Variants in TRPC4 observed in about 807,000 individuals in gnomAD.
TRPC4 encodes transient receptor potential cation channel subfamily C member 4.
In TRPC4, 49 loss-of-function variants were observed where a neutral mutation model predicts 99.4. The ratio of observed to expected loss-of-function variants is 0.49; its 90% confidence interval spans 0.39 to 0.63. TRPC4 has a LOEUF of 0.63. TRPC4 is among the 20% of genes least tolerant of loss of function. The pLI is 0.00. For missense variants in TRPC4, 898 were observed against 1,152.9 expected (o/e 0.78, Z 3.20); for synonymous variants, 454 against 425.9 (o/e 1.07, Z -0.81).
intron 6 of TRPC4, among the ~76,000 whole-genome samples, chr13:37,659,222 C>T (rs570431029): frequency 1.3e-5 from 2 of 152,032 alleles, no homozygotes; most frequent in South Asian, 4.2e-4. Context: ...GGCTTAGTGT[C>T]ATCCTAGGAG....
At chr13:37,868,778 G>GGGATACACCATAGT in intron 1 of TRPC4, among the ~76,000 whole-genome samples, 2 of 152,134 alleles carry the variant, frequency 1.3e-5, no homozygotes, top group South Asian at 4.1e-4. Context: ...CATGTGAACA[G>GGGATACACCATAGT]GGATACACCA....
rs139240703 is a variant in TRPC4 at position 37,705,162 on chromosome 13, C to T, written c.898-12827G>A. Among the ~76,000 whole-genome samples, 19 of 152,130 alleles carry T rather than the reference C, an allele frequency of 1.2e-4. No homozygotes were observed. In the East Asian group the frequency reaches 2.5e-3, roughly 20 times the overall value. On this transcript the variant is annotated intron_variant, in intron 3 of 10. Transcript: ENST00000379705. Reference sequence around the variant, plus strand: ...GTCATTGGAGACAACATGGATGAAACGGAAGGGCATTATGTTAAGTGAAAT... The same window carrying T: ...GTCATTGGAGACAACATGGATGAAATGGAAGGGCATTATGTTAAGTGAAAT...
rs549709191 is a variant in TRPC4 at position 37,693,954 on chromosome 13, A to G, written c.898-1619T>C. ...CTTAAGGAAATTTCAAGCTCCATGAACAGTCAAGCTAAATTTTATTCTAGA... is the reference window on the plus strand; with the variant it reads ...CTTAAGGAAATTTCAAGCTCCATGAGCAGTCAAGCTAAATTTTATTCTAGA... On this transcript the variant is annotated intron_variant, in intron 3 of 10. Coordinates refer to ENST00000379705, the MANE Select transcript of TRPC4 (RefSeq NM_016179.4). Among the ~76,000 whole-genome samples, 4 of 152,286 alleles carry G rather than the reference A, an allele frequency of 2.6e-5. No homozygotes were observed. The South Asian group carries it at 8.3e-4, about 32-fold the overall frequency.
chr13:37,700,797 G>A (rs1954079826), intron 3 of TRPC4, among the ~76,000 whole-genome samples: 1 of 152,016 alleles, frequency 6.6e-6, no homozygotes, highest in Non-Finnish European at 1.5e-5. Context: ...AAATGTGTTA[G>A]GTCCTATAAG....
intron 3 of TRPC4, among the ~76,000 whole-genome samples, chr13:37,745,504 A>G (rs1305833986): frequency 2.3e-5 from 3 of 132,304 alleles, no homozygotes; most frequent in African/African-American, 9.0e-5. Context: ...ATATACGTAT[A>G]TATGTATATA....
intron 2 of TRPC4, among the ~76,000 whole-genome samples, chr13:37,767,169 C>G (rs980827451): frequency 6.6e-6 from 1 of 150,982 alleles, no homozygotes; most frequent in African/African-American, 2.4e-5. Flanking sequence ...CATTCATTGC[C>G]TTTTGTTTTT....
chr13:37,681,862 C>A (rs1470065615), intron 4 of TRPC4, among the ~76,000 whole-genome samples: 3 of 152,124 alleles, frequency 2.0e-5, no homozygotes, highest in South Asian at 4.1e-4. Context: ...ACTGTGGGGA[C>A]CAACAAAGGA....
At chr13:37,758,046 T>G (rs909431111) in intron 2 of TRPC4, among the ~76,000 whole-genome samples, 1 of 151,938 alleles carries the variant, frequency 6.6e-6, no homozygotes, top group Non-Finnish European at 1.5e-5. Flanking sequence ...AATTGGCGTA[T>G]TCACGTAAGT....
At chr13:37,753,771 A>G (rs924107316) in intron 2 of TRPC4, among the ~76,000 whole-genome samples, 2 of 152,158 alleles carry the variant, frequency 1.3e-5, no homozygotes, top group African/African-American at 4.8e-5. Context: ...ACACAAGTGC[A>G]TTGCAGAAGC....
In TRPC4 at chr13:37,785,827, C is replaced by A. The variant is rs149567573; in HGVS notation, c.-27-2467G>T. 6.4e-3 allele frequency among the ~76,000 whole-genome samples: 969 copies of A among 152,108 alleles called. 2 individuals carry two copies. Among genetic ancestry groups the A allele is most frequent in the Non-Finnish European group, 0.012 (812 of 67,988 alleles). On this transcript the variant is annotated intron_variant, in intron 1 of 10. Coordinates refer to ENST00000379705, the MANE Select transcript of TRPC4 (RefSeq NM_016179.4). The stretch of plus-strand genomic sequence containing the variant: ...TAGGGATTAGTGGACAAAACAGAAG[C>A]TACTGGAGAACTTTGAGGAAGAGGG...
At position 37,676,217 on chromosome 13, in the gene TRPC4, T is replaced by C. The variant is rs150125204; in HGVS notation, c.1235-1850A>G. The stretch of plus-strand genomic sequence containing the variant: ...ACACACCAAACCGTGATGCATCATA[T>C]TCAAACCGTCAAAAACAAAAGATAA... On this transcript the variant is annotated intron_variant, in intron 4 of 10. Transcript: ENST00000379705. 5.2e-3 allele frequency among the ~76,000 whole-genome samples: 778 copies of C among 150,080 alleles called. 11 individuals carry two copies. The highest frequency in any genetic ancestry group is 0.018 in the African/African-American group (724 of 40,704).
intron 1 of TRPC4, among the ~76,000 whole-genome samples, chr13:37,834,891 T>C (rs932678484): frequency 1.3e-5 from 2 of 152,084 alleles, no homozygotes; most frequent in African/African-American, 4.8e-5. Flanking sequence ...TGTGCCACCA[T>C]GCCTGGCTAA....
rs575106895 is a variant in TRPC4, at chr13:37,751,322, G to T, written c.379-4867C>A. ...TCCTGCTTCTTTTGCTTTTACTTTC[G>T]AAGATGCTATTCAAAATATACACAA... On this transcript the variant is annotated intron_variant, in intron 2 of 10. Transcript: ENST00000379705. Among the ~76,000 whole-genome samples the T allele has an allele frequency of 3.0e-3, 451 of 151,964 alleles. 1 individual carries two copies. The highest frequency in any genetic ancestry group is 0.01 in the African/African-American group (427 of 41,450).
At chr13:37,710,503 T>G (rs927886163) in intron 3 of TRPC4, among the ~76,000 whole-genome samples, 1 of 151,954 alleles carries the variant, frequency 6.6e-6, no homozygotes, top group Non-Finnish European at 1.5e-5. Flanking sequence ...TGAGATTATC[T>G]CATTCCTATT....
intron 1 of TRPC4, among the ~76,000 whole-genome samples, chr13:37,785,012 C>T (rs779674414): frequency 6.6e-6 from 1 of 152,038 alleles, no homozygotes; most frequent in African/African-American, 2.4e-5. Flanking sequence ...TAATTTTAGA[C>T]GTGCAAATTA....
intron 2 of TRPC4, among the ~76,000 whole-genome samples, chr13:37,777,111 GAAAGA>G (rs1956727211): frequency 6.6e-6 from 1 of 151,940 alleles, no homozygotes; most frequent in Non-Finnish European, 1.5e-5. Flanking sequence ...CACTGAGGTG[GAAAGA>G]AAATAAGTAA....
chr13:37,664,250 T>C (rs1472128778), intron 5 of TRPC4, among the ~76,000 whole-genome samples: 1 of 152,178 alleles, frequency 6.6e-6, no homozygotes, highest in Non-Finnish European at 1.5e-5. Flanking sequence ...TTTAACTGTG[T>C]ACTATCGAGG....
At chr13:37,777,566 C>G (rs368357995) in intron 2 of TRPC4, among the ~76,000 whole-genome samples, 1 of 151,260 alleles carries the variant, frequency 6.6e-6, no homozygotes, top group East Asian at 2.0e-4. Flanking sequence ...CAGAGCCACA[C>G]CATATCAACA....
chr13:37,667,778 C>T (rs1231945000), intron 5 of TRPC4, among the ~76,000 whole-genome samples: 2 of 152,214 alleles, frequency 1.3e-5, no homozygotes, highest in Non-Finnish European at 2.9e-5. Flanking sequence ...TCTAATTAGA[C>T]ACCTAATGTT....
Sources: allele counts gnomAD v4.1 joint callset (sites outside exome capture counted in the v4.1 genomes callset), GRCh38; gene constraint gnomAD v4.1.1; transcripts MANE v1.5; gene names NCBI Gene and HGNC (gene_info 2026-07-23, HGNC 2026-07-21).